Variants in NDRG2 observed in about 807,000 individuals in gnomAD.
NDRG2 encodes protein NDRG2.
In NDRG2, 34 loss-of-function variants were observed where a neutral mutation model predicts 58.2. The observed-to-expected ratio is 0.58, with a 90% CI of 0.44 to 0.78. The LOEUF (loss-of-function observed/expected upper bound fraction) is 0.78. NDRG2 is among the 30% of genes least tolerant of loss of function. The pLI, the probability that NDRG2 is intolerant of heterozygous loss-of-function variation, is 0.00. For synonymous variants in NDRG2, 187 were observed against 175.9 expected (o/e 1.06, Z -0.50); for missense variants, 434 against 471.2 (o/e 0.92, Z 0.73).
chr14:21,044,904 A>G lies in NDRG2; in HGVS notation c.25-21583T>C, dbSNP rs189502989. On this transcript the variant is annotated intron_variant, in intron 1 of 14. Coordinates refer to the NDRG2 transcript ENST00000403829. ...CAGAGTCAGAGTAAGCTTTGGAGCCAGACAGAATCAGGTGTAAATCCTGAC... is the reference window on the plus strand; with the variant it reads ...CAGAGTCAGAGTAAGCTTTGGAGCCGGACAGAATCAGGTGTAAATCCTGAC... 5.9e-5 allele frequency among the ~76,000 whole-genome samples: 9 copies of G among 152,320 alleles called. No homozygotes were observed. In the East Asian group the frequency reaches 1.7e-3, roughly 29 times the overall value.
At chr14:21,027,716 T>G (rs1883792005), upstream of NDRG2, among the ~76,000 whole-genome samples, 1 of 152,218 alleles carries the variant, frequency 6.6e-6, no homozygotes, top group African/African-American at 2.4e-5. Flanking sequence ...TACATACAGA[T>G]TCTAGGGCCC....
At chr14:21,050,943 A>T (rs1346186127) in intron 1 of NDRG2, among the ~76,000 whole-genome samples, 1 of 152,216 alleles carries the variant, frequency 6.6e-6, no homozygotes, top group African/African-American at 2.4e-5. Flanking sequence ...TACGTTTTAA[A>T]TTATTTCAAA....
intron 1 of NDRG2, chr14:21,058,066 T>C: frequency 1.2e-6 from 2 of 1,614,056 alleles, no homozygotes; most frequent in South Asian, 1.1e-5. Flanking sequence ...GCATCATCAA[T>C]AAGTACACAG....
intron 1 of NDRG2, chr14:21,043,636 G>C: frequency 1.7e-6 from 1 of 581,154 alleles, no homozygotes; most frequent in Non-Finnish European, 3.1e-6. Flanking sequence ...TAGAGGGATG[G>C]CTTTTCATCT....
chr14:21,043,118 G>A (rs1270348497), intron 1 of NDRG2: 2 of 1,614,010 alleles, frequency 1.2e-6, no homozygotes, highest in Admixed American at 3.3e-5. Context: ...TTAAAATTCA[G>A]CACATGCAGC....
At position 21,070,446 on chromosome 14, in the gene NDRG2, G is replaced by C; in HGVS notation, c.24+382C>G. The C allele has an allele frequency of 7.3e-7, 1 of 1,360,762 alleles. No individual in the cohort carries two copies. Among genetic ancestry groups the C allele is most frequent in the Non-Finnish European group, 9.4e-7 (1 of 1,063,194 alleles). 84.3% of individuals were successfully genotyped at this position (1,360,762 alleles called of 1,614,324 possible). On this transcript the variant is annotated intron_variant, in intron 1 of 14. Coordinates refer to the NDRG2 transcript ENST00000403829. The surrounding 1 kb of genome is among the most constrained non-coding windows in gnomAD (Gnocchi z 4.7). ...CCTGGGTCCCCTCGGCCTTCGCGCA[G>C]CCCGCTCCGGGCCCCCAAGTCCTCA...
intron 1 of NDRG2, chr14:21,033,715 G>T: frequency 1.2e-6 from 1 of 851,226 alleles, no homozygotes; most frequent in Non-Finnish European, 2.0e-6. Context: ...AGGGGACCCT[G>T]CCTGCCTCGT....
upstream of NDRG2, chr14:21,028,611 C>G (rs890264867): frequency 4.0e-5 from 6 of 151,864 alleles, no homozygotes; most frequent in Non-Finnish European, 5.9e-5. Context: ...AAAGATTTAG[C>G]AATGAGAAGC....
At chr14:21,066,104 TAAC>T (rs951156309) in intron 1 of NDRG2, among the ~76,000 whole-genome samples, 59 of 151,882 alleles carry the variant, frequency 3.9e-4, no homozygotes, top group Admixed American at 3.2e-3. Flanking sequence ...TTTTCAACAA[TAAC>T]AACAACAACA....
intron 1 of NDRG2, among the ~76,000 whole-genome samples, chr14:21,051,867 C>T (rs1461496303): frequency 1.3e-5 from 2 of 152,190 alleles, no homozygotes; most frequent in Admixed American, 6.5e-5. Context: ...CGTGGTACTG[C>T]TGTCCTTCAG....
rs1408002641 is a variant in NDRG2 at position 21,070,306 on chromosome 14, A to T, written c.24+522T>A. The T allele has an allele frequency of 7.4e-7, 1 of 1,352,094 alleles. No individual in the cohort carries two copies. The highest frequency in any genetic ancestry group is 3.2e-5 in the East Asian group (1 of 30,956). 83.8% of individuals were successfully genotyped at this position (1,352,094 alleles called of 1,614,324 possible). On this transcript the variant is annotated intron_variant, in intron 1 of 14. Coordinates refer to the NDRG2 transcript ENST00000403829. This position sits in a 1 kb window ranked among gnomAD's most constrained non-coding sequence, Gnocchi z 4.7. ...GCGGCCGGAGCTGTCCCTTAGCCAG[A>T]CCCGGCGAGACACGAGCGGCGGGAG...
chr14:21,048,608 G>C (rs916714782), intron 1 of NDRG2: 14 of 152,166 alleles, frequency 9.2e-5, no homozygotes, highest in African/African-American at 3.4e-4. Context: ...CAGGGACATG[G>C]ATCTTCACTA....
At chr14:21,060,826 C>T (rs888062610) in intron 1 of NDRG2, among the ~76,000 whole-genome samples, 8 of 152,318 alleles carry the variant, frequency 5.3e-5, no homozygotes, top group Non-Finnish European at 1.2e-4. Flanking sequence ...ACACCTGTGT[C>T]AACTCGTGCT....
At chr14:21,038,631 G>A (rs1044781078) in intron 1 of NDRG2, among the ~76,000 whole-genome samples, 15 of 152,218 alleles carry the variant, frequency 9.9e-5, no homozygotes, top group Non-Finnish European at 1.9e-4. Context: ...GAGGCACTCA[G>A]TGGGAGAAAA....
At chr14:21,055,028 C>A (rs1885614037) in intron 1 of NDRG2, among the ~76,000 whole-genome samples, 1 of 152,172 alleles carries the variant, frequency 6.6e-6, no homozygotes, top group African/African-American at 2.4e-5. Context: ...AAATAGTATA[C>A]TCTATCCTAC....
At chr14:21,020,865 T>C in intron 6 of NDRG2, 21 bp from the exon 7 acceptor site, 2 of 1,612,608 alleles carry the variant, frequency 1.2e-6, no homozygotes, top group Non-Finnish European at 1.7e-6. Flanking sequence ...GAAAGAAATA[T>C]ACGCCTCATG....
intron 15 of NDRG2, 52 bp from the exon 16 acceptor site, chr14:21,017,814 G>A (rs1877577379): frequency 1.9e-6 from 3 of 1,605,346 alleles, no homozygotes; most frequent in Admixed American, 1.7e-5. Context: ...GGGGAAGGGG[G>A]GCTGGCGACT....
At chr14:21,020,749 C>A (rs539874735) in intron 7 of NDRG2, 35 bp downstream of exon 7, 1 of 1,613,306 alleles carries the variant, frequency 6.2e-7, no homozygotes, top group African/African-American at 1.3e-5. Flanking sequence ...CAGTCTGGAC[C>A]CTCCTTTCCC....
At chr14:21,054,272 C>T (rs1298895979) in intron 1 of NDRG2, among the ~76,000 whole-genome samples, 2 of 152,064 alleles carry the variant, frequency 1.3e-5, no homozygotes, top group African/African-American at 4.8e-5. Flanking sequence ...ATTTCTATCT[C>T]ATGGGGATGC....
Sources: allele counts gnomAD v4.1 joint callset (sites outside exome capture counted in the v4.1 genomes callset), GRCh38; gene constraint gnomAD v4.1.1; non-coding constraint Gnocchi (gnomAD v3.1); transcripts MANE v1.5; gene names NCBI Gene and HGNC (gene_info 2026-07-23, HGNC 2026-07-21).